MBOAT2: variants seen among roughly 807,000 people sequenced by gnomAD.
MBOAT2 encodes the protein membrane-bound glycerophospholipid O-acyltransferase 2.
In MBOAT2, 28 loss-of-function variants were observed where a neutral mutation model predicts 63.4. The observed-to-expected ratio is 0.44, with a 90% CI of 0.33 to 0.61. The LOEUF is 0.61. MBOAT2 is among the 20% of genes least tolerant of loss of function. The pLI is 0.03. For synonymous variants in MBOAT2, 211 were observed against 215.6 expected, an observed-to-expected ratio of 0.98 and a Z score of 0.19; for missense variants, 470 against 605.8, an observed-to-expected ratio of 0.78 and a Z score of 2.35.
chr2:8,936,727 G>T (rs1169011922), intron 3 of MBOAT2, among the ~76,000 whole-genome samples: 1 of 146,044 alleles, frequency 6.8e-6, no homozygotes, highest in Admixed American at 7.1e-5. Flanking sequence ...GACAGAGGTT[G>T]CAGTGAGCCG....
At chr2:8,883,674 C>T (rs1663316743) in intron 5 of MBOAT2, among the ~76,000 whole-genome samples, 1 of 152,180 alleles carries the variant, frequency 6.6e-6, no homozygotes, top group Admixed American at 6.5e-5. Flanking sequence ...CATCATCTTG[C>T]TGTAAACCAG....
At chr2:8,915,497 C>CT (rs1278427120) in intron 3 of MBOAT2, among the ~76,000 whole-genome samples, 5 of 152,096 alleles carry the variant, frequency 3.3e-5, no homozygotes, top group African/African-American at 1.2e-4. Context: ...TCTGGACAAT[C>CT]TAACTTGAGA....
chr2:8,928,706 A>G (rs1035506576), intron 3 of MBOAT2, among the ~76,000 whole-genome samples: 9 of 152,270 alleles, frequency 5.9e-5, no homozygotes, highest in Admixed American at 2.6e-4. Flanking sequence ...GTACTGTCCT[A>G]TATTTTTACA....
chr2:8,990,756 C>T (rs1201575293), intron 1 of MBOAT2, among the ~76,000 whole-genome samples: 1 of 152,178 alleles, frequency 6.6e-6, no homozygotes, highest in African/African-American at 2.4e-5. Context: ...GTCTAATAGA[C>T]AGCTGAGGCT....
intron 3 of MBOAT2, among the ~76,000 whole-genome samples, chr2:8,923,374 A>G (rs923170329): frequency 9.9e-5 from 15 of 152,184 alleles, no homozygotes; most frequent in African/African-American, 3.4e-4. Context: ...ACTTTGGCAG[A>G]TCAGGAGACA....
intron 3 of MBOAT2, among the ~76,000 whole-genome samples, chr2:8,931,551 G>C (rs1667321066): frequency 6.6e-6 from 1 of 152,146 alleles, no homozygotes; most frequent in South Asian, 2.1e-4. Flanking sequence ...TGTTCACTCT[G>C]ATGAGTTTCT....
chr2:8,919,874 C>A (rs1666452215), intron 3 of MBOAT2, among the ~76,000 whole-genome samples: 1 of 152,004 alleles, frequency 6.6e-6, no homozygotes, highest in Non-Finnish European at 1.5e-5. Flanking sequence ...CCTGCCTTAG[C>A]CTCCCAAGCA....
In MBOAT2 at chr2:8,945,895, T is replaced by G. The variant is rs943008533; in HGVS notation, c.222-2631A>C. Among the ~76,000 whole-genome samples the G allele has an allele frequency of 1.6e-4, 25 of 152,322 alleles. 1 individual carries two copies. Among genetic ancestry groups the G allele is most frequent in the African/African-American group, 6.0e-4 (25 of 41,574 alleles). On this transcript the variant is annotated intron_variant, in intron 2 of 12. Coordinates refer to ENST00000305997, the MANE Select transcript of MBOAT2 (RefSeq NM_138799.4). Reference sequence around the variant, plus strand: ...CTTCAATTGTTCCACTAATCTTTACTGAATGTCTACCTTCTGAAAGGCACT... The same window carrying G: ...CTTCAATTGTTCCACTAATCTTTACGGAATGTCTACCTTCTGAAAGGCACT...
intron 5 of MBOAT2, among the ~76,000 whole-genome samples, chr2:8,884,188 ACTC>A (rs1663363487): frequency 7.5e-6 from 1 of 133,720 alleles, no homozygotes; most frequent in Non-Finnish European, 1.6e-5. Flanking sequence ...GTGAGCCAAG[ACTC>A]AGCCAAAAAA....
chr2:9,000,912 G>A (rs1649031754), intron 1 of MBOAT2, among the ~76,000 whole-genome samples: 1 of 152,122 alleles, frequency 6.6e-6, no homozygotes, highest in South Asian at 2.1e-4. Context: ...ATACTGTACA[G>A]TTGTATAAAA....
chr2:8,930,454 C>T (rs1667237561), intron 3 of MBOAT2, among the ~76,000 whole-genome samples: 1 of 151,994 alleles, frequency 6.6e-6, no homozygotes, highest in African/African-American at 2.4e-5. Flanking sequence ...GTATATGTGC[C>T]ACATTTTCTT....
At chr2:8,961,002 G>A (rs1669567756) in intron 1 of MBOAT2, among the ~76,000 whole-genome samples, 1 of 152,288 alleles carries the variant, frequency 6.6e-6, no homozygotes, top group South Asian at 2.1e-4. Context: ...CAGAAGTGAG[G>A]GCTTTGTATG....
intron 3 of MBOAT2, among the ~76,000 whole-genome samples, chr2:8,914,978 A>G (rs1666054502): frequency 8.7e-6 from 1 of 114,454 alleles, no homozygotes; most frequent in Non-Finnish European, 1.6e-5. Context: ...TCTTGCTGTC[A>G]CCCAGGCTGC....
chr2:8,939,597 C>T (rs989325555), intron 3 of MBOAT2, among the ~76,000 whole-genome samples: 12 of 152,288 alleles, frequency 7.9e-5, no homozygotes, highest in African/African-American at 1.9e-4. Flanking sequence ...AGGCCAAAGA[C>T]GTTCTCGGAC....
intron 1 of MBOAT2, among the ~76,000 whole-genome samples, chr2:8,987,455 A>G (rs1414910820): frequency 2.0e-5 from 3 of 152,238 alleles, no homozygotes; most frequent in African/African-American, 7.2e-5. Context: ...GTTACATTCG[A>G]TTAAAATTTT....
At chr2:8,969,197 A>T (rs62119986) in intron 1 of MBOAT2, among the ~76,000 whole-genome samples, 3 of 152,128 alleles carry the variant, frequency 2.0e-5, no homozygotes, top group African/African-American at 7.2e-5. Flanking sequence ...ACAAGCCAGA[A>T]GAGAGTGGGG....
At chr2:8,961,110 G>C (rs1223770659) in intron 1 of MBOAT2, among the ~76,000 whole-genome samples, 1 of 152,172 alleles carries the variant, frequency 6.6e-6, no homozygotes. Context: ...TACATATCCA[G>C]AACTCTTGGA....
intron 4 of MBOAT2, among the ~76,000 whole-genome samples, chr2:8,902,168 A>G (rs963369823): frequency 3.3e-5 from 5 of 152,172 alleles, no homozygotes; most frequent in African/African-American, 1.2e-4. Flanking sequence ...GCCCTTTTCC[A>G]GAAAGCCTGA....
chr2:8,940,782 A>G lies in MBOAT2; in HGVS notation c.299+2405T>C, dbSNP rs1448929036. Reference sequence around the variant, plus strand: ...AATACCTCATAAAGAGCATAAAGCAAAAAAAATCATAAAACAGAGAGAGGC... The same window carrying G: ...AATACCTCATAAAGAGCATAAAGCAGAAAAAATCATAAAACAGAGAGAGGC... On this transcript the variant is annotated intron_variant, in intron 3 of 12. Coordinates refer to ENST00000305997, the MANE Select transcript of MBOAT2 (RefSeq NM_138799.4). Among the ~76,000 whole-genome samples, 10 of 152,206 alleles carry G rather than the reference A, an allele frequency of 6.6e-5. 1 individual carries two copies. Among genetic ancestry groups the G allele is most frequent in the Admixed American group, 5.2e-4 (8 of 15,284 alleles).
Sources: allele counts gnomAD v4.1 joint callset (sites outside exome capture counted in the v4.1 genomes callset), GRCh38; gene constraint gnomAD v4.1.1; transcripts MANE v1.5; gene names NCBI Gene and HGNC (gene_info 2026-07-23, HGNC 2026-07-21).